The following MTUS2 variants were observed in gnomAD, a reference collection of about 807,000 sequenced individuals.
MTUS2 encodes the protein microtubule-associated tumor suppressor candidate 2.
A neutral mutation model predicts 114.1 loss-of-function variants in MTUS2; 40 were observed. The ratio of observed to expected loss-of-function variants is 0.35; its 90% CI spans 0.27 to 0.46. The LOEUF is 0.46. MTUS2 is among the 20% of genes least tolerant of loss of function. The probability of loss-of-function intolerance (pLI) is 1.00; values close to 1 mark genes in which losing one functional copy is unlikely to be tolerated. For synonymous variants in MTUS2, 688 were observed against 672.0 expected, an observed-to-expected ratio of 1.02 and a Z score of -0.37; for missense variants, 1,679 against 1,705.4, an observed-to-expected ratio of 0.98 and a Z score of 0.27.
At chr13:28,954,376 C>G (rs776870666) in intron 2 of MTUS2, among the ~76,000 whole-genome samples, 6 of 152,152 alleles carry the variant, frequency 3.9e-5, no homozygotes, top group Non-Finnish European at 8.8e-5. Flanking sequence ...CAAGGCACTA[C>G]AGATGACACA....
At chr13:29,311,491 C>T (rs1899760120) in intron 6 of MTUS2, among the ~76,000 whole-genome samples, 1 of 152,110 alleles carries the variant, frequency 6.6e-6, no homozygotes, top group South Asian at 2.1e-4. Context: ...TGAAATAATG[C>T]ATTTAAATGG....
At chr13:28,910,471 A>T (rs1566216712) in intron 2 of MTUS2, among the ~76,000 whole-genome samples, 1 of 152,050 alleles carries the variant, frequency 6.6e-6, no homozygotes, top group Non-Finnish European at 1.5e-5. Flanking sequence ...TGCCGCGTAG[A>T]TCAACCTATC....
chr13:28,942,044 C>A (rs1423817695), intron 2 of MTUS2, among the ~76,000 whole-genome samples: 1 of 152,104 alleles, frequency 6.6e-6, no homozygotes, highest in Non-Finnish European at 1.5e-5. Context: ...GAAAACATCA[C>A]TGAGTATGAA....
intron 2 of MTUS2, among the ~76,000 whole-genome samples, chr13:28,940,324 T>A (rs1882156851): frequency 6.6e-6 from 1 of 152,170 alleles, no homozygotes; most frequent in Non-Finnish European, 1.5e-5. Context: ...ACAGTGTGGC[T>A]TAACCTGAAA....
chr13:29,203,503 C>CT (rs1895047049), intron 5 of MTUS2, among the ~76,000 whole-genome samples: 1 of 150,066 alleles, frequency 6.7e-6, no homozygotes, highest in Non-Finnish European at 1.5e-5. Context: ...CTTCAGCCCC[C>CT]TTTCCAGGGG....
At chr13:29,217,232 C>A (rs1341041073) in intron 5 of MTUS2, among the ~76,000 whole-genome samples, 1 of 152,094 alleles carries the variant, frequency 6.6e-6, no homozygotes, top group Non-Finnish European at 1.5e-5. Context: ...TTAATTTTTA[C>A]AGCAATGGTA....
At chr13:28,855,784 A>G (rs879911780) in intron 2 of MTUS2, among the ~76,000 whole-genome samples, 4 of 152,164 alleles carry the variant, frequency 2.6e-5, no homozygotes, top group Non-Finnish European at 5.9e-5. Context: ...CTTTGGGTAT[A>G]TACTAGTAAT....
intron 9 of MTUS2, among the ~76,000 whole-genome samples, chr13:29,457,641 C>T (rs1197880088): frequency 3.3e-5 from 5 of 152,116 alleles, no homozygotes; most frequent in Non-Finnish European, 7.4e-5. Context: ...TACATTTTCT[C>T]ATTTCTCTCA....
chr13:29,050,428 C>G (rs779805489), intron 4 of MTUS2, among the ~76,000 whole-genome samples: 17 of 152,054 alleles, frequency 1.1e-4, no homozygotes, highest in Non-Finnish European at 1.6e-4. Context: ...GCAAGTGACC[C>G]CATCCTCACC....
intron 2 of MTUS2, among the ~76,000 whole-genome samples, chr13:28,952,561 C>T (rs1434149811): frequency 6.6e-6 from 1 of 152,148 alleles, no homozygotes; most frequent in Non-Finnish European, 1.5e-5. Flanking sequence ...TCTTATCTCT[C>T]ATCATGCTTG....
At chr13:29,350,297 G>A (rs1432677849) in intron 7 of MTUS2, among the ~76,000 whole-genome samples, 1 of 150,954 alleles carries the variant, frequency 6.6e-6, no homozygotes, top group African/African-American at 2.4e-5. Flanking sequence ...TGCTTTTAAA[G>A]TCATTTAGGT....
intron 7 of MTUS2, among the ~76,000 whole-genome samples, chr13:29,336,020 T>A (rs1901044824): frequency 6.6e-6 from 1 of 152,186 alleles, no homozygotes; most frequent in Non-Finnish European, 1.5e-5. Flanking sequence ...TTGTGCTGTA[T>A]TTTTCAGCTC....
At chr13:29,112,617 A>C (rs1328663668) in intron 5 of MTUS2, among the ~76,000 whole-genome samples, 1 of 152,220 alleles carries the variant, frequency 6.6e-6, no homozygotes, top group South Asian at 2.1e-4. Flanking sequence ...TTTTAAGCAC[A>C]TAAGAATGCT....
rs77710599 is a variant in MTUS2 at position 28,910,383 on chromosome 13, T to C, written c.-243+70533T>C. On this transcript the variant is annotated intron_variant, in intron 2 of 15. Coordinates refer to ENST00000612955, the MANE Select transcript of MTUS2 (RefSeq NM_001033602.4). ...TATTCTTTTTTTGTTCTTATTTTTT[T>C]CCCCACCTTTTAAGTTCCAGGGAAG... Among the ~76,000 whole-genome samples the C allele has an allele frequency of 6.5e-3, 991 of 152,288 alleles. 8 individuals carry two copies. The highest frequency in any genetic ancestry group is 0.022 in the African/African-American group (932 of 41,552).
At chr13:28,982,506 A>G (rs909551212) in intron 2 of MTUS2, among the ~76,000 whole-genome samples, 1 of 152,224 alleles carries the variant, frequency 6.6e-6, no homozygotes, top group South Asian at 2.1e-4. Context: ...TGATCCTGCA[A>G]TCTCACTTCT....
intron 5 of MTUS2, among the ~76,000 whole-genome samples, chr13:29,120,448 A>G (rs150068456): frequency 1.8e-3 from 277 of 152,178 alleles, no homozygotes; most frequent in Non-Finnish European, 3.2e-3. Context: ...TTATACTTGT[A>G]TATTAAAATA....
intron 8 of MTUS2, among the ~76,000 whole-genome samples, chr13:29,374,829 G>A (rs1871455498): frequency 6.6e-6 from 1 of 152,166 alleles, no homozygotes; most frequent in South Asian, 2.1e-4. Flanking sequence ...GGGAGGCTGA[G>A]ACAGGAGAAT....
chr13:28,945,064 A>T (rs985768529), intron 2 of MTUS2, among the ~76,000 whole-genome samples: 1 of 152,024 alleles, frequency 6.6e-6, no homozygotes, highest in African/African-American at 2.4e-5. Context: ...AGTGGTGAGA[A>T]ATGCAGTATT....
intron 5 of MTUS2, among the ~76,000 whole-genome samples, chr13:29,142,591 A>G (rs1892271754): frequency 6.6e-6 from 1 of 152,178 alleles, no homozygotes; most frequent in African/African-American, 2.4e-5. Context: ...CTGTAATCCC[A>G]GCTACTCAGG....
Sources: gnomAD v4.1 joint callset for allele counts (sites outside exome capture counted in the v4.1 genomes callset) on GRCh38, gnomAD v4.1.1 for gene constraint, MANE v1.5 for transcripts, NCBI Gene and HGNC (gene_info 2026-07-23, HGNC 2026-07-21) for gene names.